Variants in DHRSX observed in about 807,000 individuals in gnomAD.
DHRSX encodes the protein polyprenol dehydrogenase.
Under a neutral mutation model 34.0 loss-of-function variants are expected in DHRSX, and 31 were observed. That is an observed-to-expected ratio of 0.91 (90% CI 0.69 to 1.23). DHRSX has a LOEUF of 1.23. Among genes scored for constraint, DHRSX ranks in the 50% most tolerant of loss-of-function variants. DHRSX has a pLI of 0.00. For missense variants in DHRSX, 414 were observed against 428.1 expected, an observed-to-expected ratio of 0.97 and a Z score of 0.29; for synonymous variants, 201 against 183.8, an observed-to-expected ratio of 1.09 and a Z score of -0.76.
chrX:2,273,331 G>A (rs770898495), intron 4 of DHRSX, among the ~76,000 whole-genome samples: 1 of 152,288 alleles, frequency 6.6e-6, no homozygotes, highest in South Asian at 2.1e-4. Flanking sequence ...GTGGAGTACT[G>A]GATAAAGAAA....
intron 3 of DHRSX, among the ~76,000 whole-genome samples, chrX:2,393,109 TATA>T (rs1377249467): frequency 6.1e-4 from 90 of 147,536 alleles, no homozygotes; most frequent in Non-Finnish European, 1.1e-3. Flanking sequence ...ATACATCATA[TATA>T]ATAATACATT....
intron 3 of DHRSX, among the ~76,000 whole-genome samples, chrX:2,385,873 T>A (rs1319193158): frequency 6.6e-6 from 1 of 152,204 alleles, no homozygotes; most frequent in Non-Finnish European, 1.5e-5. Flanking sequence ...TTGGTGGCTC[T>A]GGTCACTTTG....
chrX:2,430,174 C>A (rs1415177410), intron 1 of DHRSX, among the ~76,000 whole-genome samples: 1 of 150,600 alleles, frequency 6.6e-6, no homozygotes, highest in African/African-American at 2.4e-5. Context: ...TTGGAGGTGC[C>A]CGTGGGGTCT....
intron 1 of DHRSX, among the ~76,000 whole-genome samples, chrX:2,437,192 A>G (rs898729772): frequency 1.4e-4 from 22 of 151,926 alleles, no homozygotes; most frequent in Non-Finnish European, 2.1e-4. Flanking sequence ...GTAGAGATGG[A>G]GTTTCACCGT....
chrX:2,382,247 T>C (rs184266236), intron 3 of DHRSX, among the ~76,000 whole-genome samples: 16 of 152,184 alleles, frequency 1.1e-4, no homozygotes, highest in African/African-American at 3.9e-4. Flanking sequence ...ATTAGGGCTG[T>C]TGTTAGCTAT....
intron 6 of DHRSX, among the ~76,000 whole-genome samples, chrX:2,231,952 C>T (rs754224922): frequency 3.7e-4 from 55 of 148,322 alleles, no homozygotes; most frequent in African/African-American, 1.0e-3. Context: ...TCTCCTCCTT[C>T]TCTTTTCTTT....
intron 3 of DHRSX, among the ~76,000 whole-genome samples, chrX:2,329,188 G>A (rs2042426766): frequency 6.6e-6 from 1 of 152,140 alleles, no homozygotes; most frequent in African/African-American, 2.4e-5. Flanking sequence ...CTCTACCTAA[G>A]TAATGCCTGG....
At chrX:2,376,486 C>A (rs2043141794) in intron 3 of DHRSX, among the ~76,000 whole-genome samples, 1 of 137,136 alleles carries the variant, frequency 7.3e-6, no homozygotes, top group Non-Finnish European at 1.7e-5. Flanking sequence ...TGATTCTGCC[C>A]CTAGCCTTGG....
chrX:2,323,968 G>T (rs2124536293), intron 3 of DHRSX, among the ~76,000 whole-genome samples: 1 of 149,850 alleles, frequency 6.7e-6, no homozygotes, highest in African/African-American at 2.5e-5. Flanking sequence ...GAGATGTGAG[G>T]ATCACCTGAG....
intron 3 of DHRSX, among the ~76,000 whole-genome samples, chrX:2,341,537 A>T (rs1445256599): frequency 6.6e-6 from 1 of 152,004 alleles, no homozygotes; most frequent in Non-Finnish European, 1.5e-5. Flanking sequence ...ACCTGTCATT[A>T]GATTTAGGAT....
At chrX:2,312,586 C>T (rs1367253131) in intron 3 of DHRSX, among the ~76,000 whole-genome samples, 3 of 151,752 alleles carry the variant, frequency 2.0e-5, no homozygotes, top group African/African-American at 7.3e-5. Context: ...GACTGGGGGA[C>T]TAGGGGAGGG....
At chrX:2,225,295 T>C (rs2015628287) in intron 6 of DHRSX, among the ~76,000 whole-genome samples, 1 of 150,028 alleles carries the variant, frequency 6.7e-6, no homozygotes. Flanking sequence ...CTTTCACATG[T>C]ACACACATTC....
At chrX:2,243,786 C>CTGTTTTTTTTT (rs1569478852) in intron 5 of DHRSX, among the ~76,000 whole-genome samples, 3 of 25,118 alleles carry the variant, frequency 1.2e-4, no homozygotes, top group African/African-American at 2.7e-4. Context: ...ACTATGCTCC[C>CTGTTTTTTTTT]TGTTTTTTTT....
intron 3 of DHRSX, among the ~76,000 whole-genome samples, chrX:2,315,189 G>C (rs67226143): frequency 0.23 from 35,272 of 151,328 alleles, 4,484 homozygotes; most frequent in African/African-American, 0.3. Flanking sequence ...TAGGTCTTAA[G>C]CGTGAGCTGC....
intron 3 of DHRSX, among the ~76,000 whole-genome samples, chrX:2,359,091 CA>C (rs1446078163): frequency 1.3e-4 from 20 of 152,092 alleles, no homozygotes; most frequent in Non-Finnish European, 2.8e-4. Context: ...ACTAAAACAT[CA>C]AAAAACAACA....
chrX:2,333,484 G>A lies in DHRSX; in HGVS notation c.287-41881C>T, dbSNP rs180772062. Among the ~76,000 whole-genome samples the A allele has an allele frequency of 1.6e-3, 237 of 152,200 alleles. 1 individual carries two copies. Among genetic ancestry groups the A allele is most frequent in the Middle Eastern group, 0.014 (4 of 294 alleles). On this transcript the variant is annotated intron_variant, in intron 3 of 6. Transcript: ENST00000334651. ...GGCTTGAGTGCAATGGTGCGATCCC[G>A]GCTCACTGCAACCTCCGCCTCATGG...
At chrX:2,412,930 C>T (rs1046156000) in intron 2 of DHRSX, among the ~76,000 whole-genome samples, 1 of 152,182 alleles carries the variant, frequency 6.6e-6, no homozygotes, top group Non-Finnish European at 1.5e-5. Context: ...GGCGTGGTAT[C>T]TCATGCCTGT....
rs151083739 is a variant in DHRSX, at chrX:2,318,546, A to G, written c.287-26943T>C. ...TCTTCCTCACTGTTCATTATACGCT[A>G]ACTCTAATGCATTCGCTGCTAAAAG... is the stretch of plus-strand genomic sequence containing the variant. On this transcript the variant is annotated intron_variant, in intron 3 of 6. Coordinates refer to ENST00000334651, the MANE Select transcript of DHRSX (RefSeq NM_145177.3). Among the ~76,000 whole-genome samples the G allele has an allele frequency of 3.8e-3, 545 of 144,154 alleles. 1 individual carries two copies. The highest frequency in any genetic ancestry group is 0.014 in the African/African-American group (492 of 34,964). The allele number at this position is 144,154 out of a possible 152,430, so 94.6% of individuals were successfully genotyped here. A position where few individuals can be genotyped will look rare whatever the true frequency, so the allele number is the denominator to read the frequency against.
chrX:2,404,035 T>A (rs2043522381), intron 3 of DHRSX, among the ~76,000 whole-genome samples: 1 of 152,180 alleles, frequency 6.6e-6, no homozygotes, highest in Non-Finnish European at 1.5e-5. Flanking sequence ...GCCGTTCAGA[T>A]TAAAAGCAAA....
Sources: allele counts gnomAD v4.1 joint callset (sites outside exome capture counted in the v4.1 genomes callset), GRCh38; gene constraint gnomAD v4.1.1; transcripts MANE v1.5; gene names NCBI Gene and HGNC (gene_info 2026-07-23, HGNC 2026-07-21).